DLG2: variants seen among roughly 807,000 people sequenced by gnomAD.
DLG2 encodes the protein disks large homolog 2.
DLG2 carries 45 observed loss-of-function variants against 132.5 expected under a neutral mutation model. That is an observed-to-expected ratio of 0.34 (90% CI 0.27 to 0.44). The LOEUF is 0.44. Ranked by LOEUF, DLG2 falls within the 20% of genes least tolerant of loss-of-function variation. The pLI is 1.00. For synonymous variants in DLG2, 424 were observed against 419.6 expected (o/e 1.01, Z -0.13); for missense variants, 1,045 against 1,196.9 (o/e 0.87, Z 1.87).
chr11:84,111,282 A>G (rs547044280), intron 9 of DLG2, among the ~76,000 whole-genome samples: 23 of 152,302 alleles, frequency 1.5e-4, no homozygotes, highest in Non-Finnish European at 2.9e-4. Flanking sequence ...ATTTCTATTC[A>G]AATATCAAAC....
At chr11:83,874,090 AAGAG>A (rs1208455753) in intron 16 of DLG2, among the ~76,000 whole-genome samples, 1 of 152,022 alleles carries the variant, frequency 6.6e-6, no homozygotes, top group Non-Finnish European at 1.5e-5. Context: ...GAAAGAAAAA[AAGAG>A]AGAGAGTGTG....
At chr11:85,541,017 T>C (rs571744557) in intron 3 of DLG2, among the ~76,000 whole-genome samples, 9 of 152,248 alleles carry the variant, frequency 5.9e-5, no homozygotes, top group Non-Finnish European at 1.3e-4. Context: ...CCAGGATAAC[T>C]TGGAAGTGTT....
At chr11:85,122,035 G>C (rs1172157364) in intron 5 of DLG2, among the ~76,000 whole-genome samples, 1 of 152,150 alleles carries the variant, frequency 6.6e-6, no homozygotes, top group African/African-American at 2.4e-5. Context: ...TTATTGAACA[G>C]TGAAATAGCT....
intron 4 of DLG2, among the ~76,000 whole-genome samples, chr11:85,166,644 TA>T (rs201499539): frequency 1.8e-4 from 27 of 150,830 alleles, no homozygotes; most frequent in Non-Finnish European, 2.4e-4. Flanking sequence ...ACCTAGAATA[TA>T]AAAAAAAAGG....
chr11:84,587,094 A>G (rs180805975), intron 6 of DLG2, among the ~76,000 whole-genome samples: 1 of 151,990 alleles, frequency 6.6e-6, no homozygotes, highest in Admixed American at 6.6e-5. Flanking sequence ...TTTATGGGAG[A>G]GTGTGAGAAG....
intron 22 of DLG2, among the ~76,000 whole-genome samples, chr11:83,474,154 T>C (rs941390382): frequency 6.6e-6 from 1 of 152,032 alleles, no homozygotes; most frequent in African/African-American, 2.4e-5. Context: ...ACCCCAGAAG[T>C]GTTCAGGGGA....
intron 3 of DLG2, among the ~76,000 whole-genome samples, chr11:85,383,441 A>C (rs910915428): frequency 6.6e-6 from 1 of 152,166 alleles, no homozygotes; most frequent in Non-Finnish European, 1.5e-5. Flanking sequence ...TGTGTACTTT[A>C]AAGGATAAAT....
intron 4 of DLG2, among the ~76,000 whole-genome samples, chr11:85,181,946 C>T (rs2079732927): frequency 6.6e-6 from 1 of 151,782 alleles, no homozygotes; most frequent in South Asian, 2.1e-4. Context: ...GACTGCATAG[C>T]ATTCTGCTTT....
intron 4 of DLG2, among the ~76,000 whole-genome samples, chr11:85,278,776 T>C (rs1481955208): frequency 6.6e-6 from 1 of 152,164 alleles, no homozygotes; most frequent in Non-Finnish European, 1.5e-5. Flanking sequence ...TCTAGTACTC[T>C]AGTAAAAATC....
chr11:84,508,400 C>CT (rs371285075), intron 7 of DLG2, among the ~76,000 whole-genome samples: 14,126 of 140,986 alleles, frequency 0.1, 935 homozygotes, highest in Middle Eastern at 0.14. Flanking sequence ...CTTTCTTTAC[C>CT]TTTTTTTTTT....
chr11:84,820,181 C>T (rs1463306013), intron 6 of DLG2, among the ~76,000 whole-genome samples: 1 of 151,650 alleles, frequency 6.6e-6, no homozygotes, highest in Non-Finnish European at 1.5e-5. Flanking sequence ...CTTCTACCTC[C>T]CAAGATTAAA....
chr11:85,269,770 T>G (rs1353354055), intron 4 of DLG2, among the ~76,000 whole-genome samples: 2 of 152,222 alleles, frequency 1.3e-5, no homozygotes, highest in African/African-American at 4.8e-5. Context: ...TGTTTTGTTT[T>G]GTGATTATTG....
intron 14 of DLG2, 35 bp downstream of exon 14, chr11:83,962,850 A>G (rs2089200384): frequency 6.2e-7 from 1 of 1,606,540 alleles, no homozygotes; most frequent in African/African-American, 1.3e-5. Context: ...TCTGGTAATA[A>G]GAGCAAATCC....
At chr11:84,559,618 A>C (rs1162177379) in intron 6 of DLG2, among the ~76,000 whole-genome samples, 1 of 152,116 alleles carries the variant, frequency 6.6e-6, no homozygotes, top group Non-Finnish European at 1.5e-5. Context: ...ATCTCAGAGG[A>C]ATTGTAATCC....
intron 6 of DLG2, among the ~76,000 whole-genome samples, chr11:84,721,122 G>T (rs1253211844): frequency 6.6e-6 from 1 of 152,070 alleles, no homozygotes; most frequent in African/African-American, 2.4e-5. Context: ...GAGGGTAGAA[G>T]ACCTCCGAGG....
At chr11:85,531,300 T>A (rs1369721258) in intron 3 of DLG2, among the ~76,000 whole-genome samples, 1 of 152,190 alleles carries the variant, frequency 6.6e-6, no homozygotes, top group African/African-American at 2.4e-5. Context: ...ATATACATCA[T>A]CACCAGATGT....
chr11:84,874,271 G>C (rs1426287493), intron 6 of DLG2, among the ~76,000 whole-genome samples: 1 of 152,180 alleles, frequency 6.6e-6, no homozygotes, highest in East Asian at 1.9e-4. Context: ...TTGAAGAAAT[G>C]TGAATTAAGC....
intron 8 of DLG2, among the ~76,000 whole-genome samples, chr11:84,188,090 A>G (rs1330442953): frequency 6.6e-6 from 1 of 152,146 alleles, no homozygotes; most frequent in Non-Finnish European, 1.5e-5. Context: ...CCTCTATCCA[A>G]ATATGCAAAG....
At chr11:84,519,888 G>A (rs1309229875) in intron 7 of DLG2, among the ~76,000 whole-genome samples, 9 of 152,108 alleles carry the variant, frequency 5.9e-5, no homozygotes, top group African/African-American at 1.9e-4. Flanking sequence ...TATCATTTCT[G>A]AAGTTTTATG....
Sources: gnomAD v4.1 joint callset for allele counts (sites outside exome capture counted in the v4.1 genomes callset) on GRCh38, gnomAD v4.1.1 for gene constraint, MANE v1.5 for transcripts, NCBI Gene and HGNC (gene_info 2026-07-23, HGNC 2026-07-21) for gene names.